DUSP8: variants seen among roughly 807,000 people sequenced by gnomAD.
DUSP8 encodes the protein dual specificity phosphatase 8, also known as dual specificity protein phosphatase 8.
In DUSP8, 15 loss-of-function variants were observed where a neutral mutation model predicts 38.7. The observed-to-expected ratio is 0.39, with a 90% CI of 0.26 to 0.60. The LOEUF is 0.60. DUSP8 is among the 20% of genes least tolerant of loss of function. The pLI, the probability that DUSP8 is intolerant of heterozygous loss-of-function variation, is 0.56. For synonymous variants in DUSP8, 458 were observed against 433.9 expected (o/e 1.06, Z -0.69); for missense variants, 768 against 915.0 (o/e 0.84, Z 2.07).
At chr11:1,572,341 C>G (rs1236186196), upstream of DUSP8, among the ~76,000 whole-genome samples, 1 of 149,108 alleles carries the variant, frequency 6.7e-6, no homozygotes, top group African/African-American at 2.5e-5. The surrounding 1 kb of genome is among the most constrained non-coding windows in gnomAD (Gnocchi z 4.7). Flanking sequence ...AAGCCCCTGA[C>G]GTCACCTGCA....
rs1045284051 is a variant in DUSP8 at position 1,571,887 on chromosome 11, G to T, written c.-109+14C>A. On this transcript the variant is annotated intron_variant, in intron 1 of 6. Transcript: ENST00000397374. ...CCCGGCGCCCGCCCCCGCCCCGCCG[G>T]CGCCTCCGCTCACCTCGCTCGCGCT... The T allele has an allele frequency of 2.1e-5, 3 of 145,308 alleles. No homozygotes were observed. Among genetic ancestry groups the T allele is most frequent in the Non-Finnish European group, 4.6e-5 (3 of 65,874 alleles). 9.0% of individuals were successfully genotyped at this position (145,308 alleles called of 1,614,324 possible).
At position 1,557,023 on chromosome 11, in the gene DUSP8, C is replaced by T. The variant is rs1400453910; in HGVS notation, c.1373G>A (p.Arg458Gln). 4.8e-6 allele frequency: 5 copies of T among 1,039,694 alleles called. No homozygotes were observed. The highest frequency in any genetic ancestry group is 1.6e-4 in the East Asian group (2 of 12,316). The allele number at this position is 1,039,694 out of a possible 1,614,324, so 64.4% of individuals were successfully genotyped here. A position where few individuals can be genotyped will look rare whatever the true frequency, so the allele number is the denominator to read the frequency against. Reference sequence around the variant, plus strand: ...GCGCGCGGGGGAGCCGGCGGGGGGCCGGGGCCGCCGGCGGGGCCGTGGGCG... The same window carrying T: ...GCGCGCGGGGGAGCCGGCGGGGGGCTGGGGCCGCCGGCGGGGCCGTGGGCG... ...EARPRPRRRP[R>Q]PPAGSPARSP... is the part of the protein sequence containing the mutation. The change falls in exon 7 of 7, where the codon CGG (arginine) becomes CAG (glutamine). Residue 458 changes from arginine to glutamine, a missense_variant. Arg to Gln is a conservative substitution (Grantham distance 43). This residue lies in a region of DUSP8 where 474 missense variants were observed against 430.8 expected (regional missense o/e 1.10). Coordinates refer to ENST00000397374, the MANE Select transcript of DUSP8 (RefSeq NM_004420.3). This position sits in a 1 kb window ranked among gnomAD's most constrained non-coding sequence, Gnocchi z 9.9.
At chr11:1,561,076 T>A (rs1012630466) in intron 3 of DUSP8, among the ~76,000 whole-genome samples, 1 of 152,042 alleles carries the variant, frequency 6.6e-6, no homozygotes, top group Non-Finnish European at 1.5e-5. Context: ...GGACCGAGGC[T>A]CCAGGGATTT....
Position 1,556,979 on chromosome 11 carries a change from C to A in DUSP8, c.1417G>T (p.Gly473Cys), listed in dbSNP as rs1217348239. 2 of 1,039,382 alleles carry A rather than the reference C, an allele frequency of 1.9e-6. No homozygotes were observed. The highest frequency in any genetic ancestry group is 1.7e-5 in the African/African-American group (1 of 57,602). 64.4% of individuals were successfully genotyped at this position (1,039,382 alleles called of 1,614,324 possible). The change falls in exon 7 of 7, where the codon GGC becomes TGC. Residue 473 changes from glycine (G) to cysteine (C), a missense_variant. Gly to Cys is a radical substitution (Grantham distance 159). This residue lies in a region of DUSP8 where 474 missense variants were observed against 430.8 expected (regional missense o/e 1.10). Coordinates refer to ENST00000397374, the MANE Select transcript of DUSP8 (RefSeq NM_004420.3). This position sits in a 1 kb window ranked among gnomAD's most constrained non-coding sequence, Gnocchi z 5.2. ...CGGGCCGCATCGCCGAAGTTCAGGC[C>A]GAGGCTGTGCGCGGGGGAGCGCGCG... Reference protein sequence around the residue: ...SPARSPAHSLGLNFGDAARQT... With the variant: ...SPARSPAHSLCLNFGDAARQT...
chr11:1,559,187 A>C, intron 3 of DUSP8, 132 bp from the exon 4 acceptor site: 1 of 897,208 alleles, frequency 1.1e-6, no homozygotes, highest in Non-Finnish European at 1.6e-6. Context: ...CCCGAGCCTG[A>C]GCCCAGCCGG....
At chr11:1,570,020 CT>C (rs1848863547) in intron 1 of DUSP8, among the ~76,000 whole-genome samples, 1 of 152,208 alleles carries the variant, frequency 6.6e-6, no homozygotes, top group Non-Finnish European at 1.5e-5. Flanking sequence ...GCTCCCTTGG[CT>C]AGTGCTGTAG....
intron 3 of DUSP8, among the ~76,000 whole-genome samples, chr11:1,563,034 C>T (rs1014645695): frequency 5.9e-5 from 9 of 152,154 alleles, no homozygotes; most frequent in Admixed American, 1.3e-4. Context: ...GATGCAGGGC[C>T]AAGGGCCTGG....
In DUSP8 at chr11:1,554,615, C is replaced by T; in HGVS notation, c.*1903G>A. ...GAGACAGACAGCCCCCCTCAACGGC[C>T]TGCAGAAGGGACAAGGGGAAGGGGG... On this transcript the variant is annotated 3_prime_UTR_variant, in exon 7 of 7. Transcript: ENST00000397374. The T allele has an allele frequency of 1.0e-6, 1 of 986,912 alleles. No individual in the cohort carries two copies. Among genetic ancestry groups the T allele is most frequent in the Non-Finnish European group, 1.2e-6 (1 of 829,250 alleles). 61.1% of individuals were successfully genotyped at this position (986,912 alleles called of 1,614,324 possible).
chr11:1,558,273 TGGAGGGGCG>T lies in DUSP8; in HGVS notation c.538-11_538-3del. On this transcript the variant is annotated splice_polypyrimidine_tract_variant and splice_region_variant and intron_variant, in intron 4 of 6. Transcript: ENST00000397374. The surrounding 1 kb of genome is among the most constrained non-coding windows in gnomAD (Gnocchi z 6.3). ...TATTCCATTTTGCGTCATCAGATCCTGGAGGGGCGGGAGGGCGGGTTGGAAAGGGGTGGG... is the reference window on the plus strand; with the variant it reads ...TATTCCATTTTGCGTCATCAGATCCTGGAGGGCGGGTTGGAAAGGGGTGGG... 9.4e-6 allele frequency: 1 copy of T among 106,428 alleles called. No individual in the cohort carries two copies. The highest frequency in any genetic ancestry group is 1.8e-5 in the Non-Finnish European group (1 of 55,488). The allele number at this position is 106,428 out of a possible 1,614,324, so 6.6% of individuals were successfully genotyped here.
intron 3 of DUSP8, among the ~76,000 whole-genome samples, chr11:1,560,231 G>C (rs915818694): frequency 2.6e-5 from 4 of 152,174 alleles, no homozygotes; most frequent in Admixed American, 6.5e-5. Flanking sequence ...ATTGGACGGG[G>C]CAGGGGAGTG....
chr11:1,565,904 G>A lies in DUSP8; in HGVS notation c.-78C>T, dbSNP rs1251351214. ...TCCGACGGCCCAGGTGTGGCCTCGC[G>A]CTGGGAGTGACCTAGCACATGGTGC... On this transcript the variant is annotated 5_prime_UTR_variant, in exon 2 of 7. Transcript: ENST00000397374. 9.7e-6 allele frequency: 12 copies of A among 1,231,098 alleles called. No individual in the cohort carries two copies. The highest frequency in any genetic ancestry group is 3.0e-5 in the African/African-American group (2 of 67,536). 76.3% of individuals were successfully genotyped at this position (1,231,098 alleles called of 1,614,324 possible). A position where few individuals can be genotyped will look rare whatever the true frequency, so the allele number is the denominator to read the frequency against.
At chr11:1,563,342 T>C (rs141178478) in intron 3 of DUSP8, among the ~76,000 whole-genome samples, 220 of 152,184 alleles carry the variant, frequency 1.4e-3, no homozygotes, top group Middle Eastern at 3.4e-3. Context: ...TCAGCGTGTG[T>C]AGGGGGGCGG....
chr11:1,554,707 C>G lies in DUSP8; in HGVS notation c.*1811G>C, dbSNP rs1347010520. The G allele has an allele frequency of 3.8e-6, 3 of 785,610 alleles. No individual in the cohort carries two copies. Among genetic ancestry groups the G allele is most frequent in the Non-Finnish European group, 4.6e-6 (3 of 645,340 alleles). 48.7% of individuals were successfully genotyped at this position (785,610 alleles called of 1,614,324 possible). On this transcript the variant is annotated 3_prime_UTR_variant, in exon 7 of 7. Transcript: ENST00000397374. ...TCCCGGACAGCACAGGGGTGGGGGG[C>G]GAGAAGCGGGAAGCCAGTGCATCCT...
rs948747359 is a variant in DUSP8 at position 1,557,579 on chromosome 11, G to A, written c.822-5C>T. 2 of 1,566,502 alleles carry A rather than the reference G, an allele frequency of 1.3e-6. No individual in the cohort carries two copies. The highest frequency in any genetic ancestry group is 1.7e-6 in the Non-Finnish European group (2 of 1,164,842). ...GGGCGCCTGTCCTTCACGAACCTGC[G>A]GGGGAGGAGGCTCAGTCCCAGGCGC... On this transcript the variant is annotated splice_polypyrimidine_tract_variant and splice_region_variant and intron_variant, in intron 6 of 6. Coordinates refer to ENST00000397374, the MANE Select transcript of DUSP8 (RefSeq NM_004420.3). The surrounding 1 kb of genome is among the most constrained non-coding windows in gnomAD (Gnocchi z 9.9).
At chr11:1,568,965 A>G (rs1848847510) in intron 1 of DUSP8, among the ~76,000 whole-genome samples, 1 of 151,880 alleles carries the variant, frequency 6.6e-6, no homozygotes, top group Admixed American at 6.5e-5. Flanking sequence ...TATGCCAGGG[A>G]TGGGGCAGGT....
chr11:1,557,590 C>A lies in DUSP8; in HGVS notation c.822-16G>T. On this transcript the variant is annotated splice_polypyrimidine_tract_variant and intron_variant, in intron 6 of 6. Coordinates refer to ENST00000397374, the MANE Select transcript of DUSP8 (RefSeq NM_004420.3). The surrounding 1 kb of genome is among the most constrained non-coding windows in gnomAD (Gnocchi z 9.9). ...CTTCACGAACCTGCGGGGGAGGAGG[C>A]TCAGTCCCAGGCGCCCGCCGGGGCC... is the stretch of plus-strand genomic sequence containing the variant. 1 of 1,540,826 alleles carries A rather than the reference C, an allele frequency of 6.5e-7. No individual in the cohort carries two copies. The highest frequency in any genetic ancestry group is 8.7e-7 in the Non-Finnish European group (1 of 1,151,896).
rs1002983391 is a variant in DUSP8 at position 1,565,884 on chromosome 11, C to T, written c.-58G>A. ...CTGAAGTGAGGAGGGGCTGCTCCGA[C>T]GGCCCAGGTGTGGCCTCGCGCTGGG... On this transcript the variant is annotated 5_prime_UTR_variant, in exon 2 of 7. Coordinates refer to ENST00000397374, the MANE Select transcript of DUSP8 (RefSeq NM_004420.3). 3.2e-5 allele frequency: 47 copies of T among 1,467,940 alleles called. No homozygotes were observed. The highest frequency in any genetic ancestry group is 1.2e-4 in the Admixed American group (7 of 58,904). The allele number at this position is 1,467,940 out of a possible 1,614,324, so 90.9% of individuals were successfully genotyped here.
In DUSP8 at chr11:1,557,180, T is replaced by C. The variant is rs753912307; in HGVS notation, c.1216A>G (p.Arg406Gly). The change falls in exon 7 of 7, where the codon AGG becomes GGG. Residue 406 changes from arginine (R) to glycine (G), a missense_variant. This residue lies in a region of DUSP8 where 474 missense variants were observed against 430.8 expected (regional missense o/e 1.10). Coordinates refer to ENST00000397374, the MANE Select transcript of DUSP8 (RefSeq NM_004420.3). The surrounding 1 kb of genome is among the most constrained non-coding windows in gnomAD (Gnocchi z 9.9). ...GGGGGCCCGGGGCCGTCGGGCCGCC[T>C]GCTAGGGGCGTAGGCAGACTTGATG... ...LDIKSAYAPS[R>G]RPDGPGPPDP... The C allele has an allele frequency of 3.4e-6, 5 of 1,462,332 alleles. No individual in the cohort carries two copies. In the South Asian group the frequency reaches 6.6e-5, roughly 19 times the overall value. The allele number at this position is 1,462,332 out of a possible 1,614,324, so 90.6% of individuals were successfully genotyped here. A position where few individuals can be genotyped will look rare whatever the true frequency, so the allele number is the denominator to read the frequency against.
At chr11:1,569,340 G>A (rs1213016439) in intron 1 of DUSP8, among the ~76,000 whole-genome samples, 1 of 152,096 alleles carries the variant, frequency 6.6e-6, no homozygotes, top group Non-Finnish European at 1.5e-5. Context: ...GACACAGCAC[G>A]CCTGGCTCCA....
Sources: gnomAD v4.1 joint callset for allele counts (sites outside exome capture counted in the v4.1 genomes callset) on GRCh38, gnomAD v4.1.1 for gene constraint, gnomAD v4.1.1 regional missense constraint, Gnocchi (gnomAD v3.1) non-coding constraint, MANE v1.5 for transcripts, NCBI Gene and HGNC (gene_info 2026-07-23, HGNC 2026-07-21) for gene names.